CYTH4: variants seen among roughly 807,000 people sequenced by gnomAD.
The protein encoded by CYTH4 is cytohesin 4.
Under a neutral mutation model 57.5 loss-of-function variants are expected in CYTH4, and 22 were observed. The ratio of observed to expected loss-of-function variants is 0.38; its 90% CI spans 0.27 to 0.55. The LOEUF (loss-of-function observed/expected upper bound fraction) is 0.55, where lower values mean the gene tolerates loss of function less well. Among genes scored for constraint, CYTH4 ranks in the 20% least tolerant of loss-of-function variants. The pLI is 0.74. For synonymous variants in CYTH4, 186 were observed against 206.5 expected (o/e 0.90, Z 0.85); for missense variants, 420 against 535.6 (o/e 0.78, Z 2.13).
At chr22:37,309,577 C>A (rs1929560907) in intron 9 of CYTH4, among the ~76,000 whole-genome samples, 1 of 152,214 alleles carries the variant, frequency 6.6e-6, no homozygotes, top group Non-Finnish European at 1.5e-5. Context: ...GAGAGGCAGA[C>A]AGACCCACTG....
Position 37,295,952 on chromosome 22 carries a change from A to C in CYTH4, c.168-47A>C. On this transcript the variant is annotated intron_variant, in intron 3 of 12. Transcript: ENST00000248901. The surrounding 1 kb of genome is among the most constrained non-coding windows in gnomAD (Gnocchi z 4.1). ...AGGGTCCTTGGGGAGTGGAGAGGGTAATTCAGGGTCCTGGGGCAGCCCAAG... is the reference window on the plus strand; with the variant it reads ...AGGGTCCTTGGGGAGTGGAGAGGGTCATTCAGGGTCCTGGGGCAGCCCAAG... The C allele has an allele frequency of 6.3e-7, 1 of 1,582,410 alleles. No individual in the cohort carries two copies. The highest frequency in any genetic ancestry group is 8.6e-7 in the Non-Finnish European group (1 of 1,159,628).
At chr22:37,307,423 G>C (rs1321218910) in intron 8 of CYTH4, among the ~76,000 whole-genome samples, 3 of 152,234 alleles carry the variant, frequency 2.0e-5, no homozygotes, top group African/African-American at 7.2e-5. Flanking sequence ...TGTTCAACCA[G>C]CCAGTGCCAC....
In CYTH4 at chr22:37,284,317, AG is replaced by A. The variant is rs534726359; in HGVS notation, c.19+1731del. On this transcript the variant is annotated intron_variant, in intron 1 of 12. Coordinates refer to ENST00000248901, the MANE Select transcript of CYTH4 (RefSeq NM_013385.5). ...AGCCATGGGCCTAACCCTGGGGGAC[AG>A]GTGTTGGTCTGGAATGTTGGGGGTG... Among the ~76,000 whole-genome samples the A allele has an allele frequency of 1.6e-3, 237 of 152,290 alleles. 2 individuals are homozygous for A. Among genetic ancestry groups the A allele is most frequent in the African/African-American group, 5.3e-3 (221 of 41,556 alleles).
At chr22:37,282,796 C>T (rs5995411) in intron 1 of CYTH4, among the ~76,000 whole-genome samples, 65,622 of 152,112 alleles carry the variant, frequency 0.43, 15,092 homozygotes, top group Non-Finnish European at 0.54. Context: ...GACGCTGTTT[C>T]CCCCTTCATA....
rs572274072 is a variant in CYTH4, at chr22:37,293,205, C to T, written c.102+502C>T. ...CCTGGGCCTTTGCACTCGCAGTCCC[C>T]TCTGCCTGGGCTGCAGTGGCTGTGC... On this transcript the variant is annotated intron_variant, in intron 2 of 12. Transcript: ENST00000248901. Among the ~76,000 whole-genome samples, 12 of 152,378 alleles carry T rather than the reference C, an allele frequency of 7.9e-5. No individual in the cohort carries two copies. In the South Asian group the frequency reaches 2.5e-3, roughly 32 times the overall value.
At chr22:37,284,407 C>T (rs1290600703) in intron 1 of CYTH4, among the ~76,000 whole-genome samples, 1 of 152,130 alleles carries the variant, frequency 6.6e-6, no homozygotes, top group Non-Finnish European at 1.5e-5. Context: ...GGACACAGAC[C>T]TACAGATGGG....
At chr22:37,288,206 A>G (rs1569104906) in intron 1 of CYTH4, among the ~76,000 whole-genome samples, 1 of 152,174 alleles carries the variant, frequency 6.6e-6, no homozygotes, top group Admixed American at 6.5e-5. Context: ...TGAGGTCAAG[A>G]GATCAAGACC....
At chr22:37,286,962 A>G (rs1928583098) in intron 1 of CYTH4, among the ~76,000 whole-genome samples, 1 of 152,122 alleles carries the variant, frequency 6.6e-6, no homozygotes, top group Non-Finnish European at 1.5e-5. Flanking sequence ...TGGAAGGGGA[A>G]AGAAATAGAC....
chr22:37,311,433 C>A lies in CYTH4; in HGVS notation c.886-23C>A. On this transcript the variant is annotated intron_variant, in intron 10 of 12. Transcript: ENST00000248901. The surrounding 1 kb of genome is among the most constrained non-coding windows in gnomAD (Gnocchi z 4.4). ...TCAGGGTTCCGCTTCCTGACCCTGA[C>A]CTTCCTTCCCCTTTCCCTGTAGGAC... 6.2e-7 allele frequency: 1 copy of A among 1,610,980 alleles called. No individual in the cohort carries two copies. Among genetic ancestry groups the A allele is most frequent in the South Asian group, 1.1e-5 (1 of 91,008 alleles).
At chr22:37,293,949 A>G (rs1015755711) in intron 2 of CYTH4, among the ~76,000 whole-genome samples, 2 of 151,746 alleles carry the variant, frequency 1.3e-5, no homozygotes, top group Non-Finnish European at 2.9e-5. Context: ...CCCTGGAAAG[A>G]GGGCCTAGGC....
At position 37,300,816 on chromosome 22, in the gene CYTH4, C is replaced by T. The variant is rs547466083; in HGVS notation, c.435-91C>T. The T allele has an allele frequency of 2.4e-4, 247 of 1,031,232 alleles. No individual in the cohort carries two copies. In the African/African-American group the frequency reaches 3.6e-3, roughly 15 times the overall value. The allele number at this position is 1,031,232 out of a possible 1,614,324, so 63.9% of individuals were successfully genotyped here. On this transcript the variant is annotated intron_variant, in intron 6 of 12. Coordinates refer to ENST00000248901, the MANE Select transcript of CYTH4 (RefSeq NM_013385.5). ...TGCAGATTCCCCCATTTACAGGATA[C>T]AGAGACTAAACCTGGGAGAGGCAGG...
chr22:37,311,794 A>G lies in CYTH4; in HGVS notation c.958-226A>G, dbSNP rs1000163646. The stretch of plus-strand genomic sequence containing the variant: ...CCCGAGTAAGCTCCACTCCATTCAG[A>G]ACCTCAGTGAGCCCACATGTCACGT... On this transcript the variant is annotated intron_variant, in intron 11 of 12. Coordinates refer to ENST00000248901, the MANE Select transcript of CYTH4 (RefSeq NM_013385.5). The surrounding 1 kb of genome is among the most constrained non-coding windows in gnomAD (Gnocchi z 4.4). The G allele has an allele frequency of 8.8e-6, 6 of 678,716 alleles. No homozygotes were observed. The highest frequency in any genetic ancestry group is 1.5e-5 in the Non-Finnish European group (6 of 408,818). 42.0% of individuals were successfully genotyped at this position (678,716 alleles called of 1,614,324 possible).
intron 2 of CYTH4, among the ~76,000 whole-genome samples, chr22:37,293,638 C>A (rs1928829685): frequency 6.6e-6 from 1 of 152,220 alleles, no homozygotes; most frequent in Non-Finnish European, 1.5e-5. Context: ...AGTCTCAGGA[C>A]AAGTCCCTGG....
intron 6 of CYTH4, chr22:37,300,392 G>A (rs2145863421): frequency 1.7e-6 from 1 of 605,722 alleles, no homozygotes; most frequent in East Asian, 2.8e-5. Context: ...AGCCCAGGAG[G>A]AGAAGTGAGA....
At position 37,303,292 on chromosome 22, in the gene CYTH4, A is replaced by G; in HGVS notation, c.586A>G (p.Asn196Asp). The part of the protein sequence containing the change: ...YVLSFSIIML[N>D]TSLHNPNVRD... ...GTTGTCCTTCTCCATCATCATGCTC[A>G]ACACCAGCCTCCACAATCCCAACGT... is the stretch of plus-strand genomic sequence containing the variant. The change falls in exon 8 of 13, where the codon AAC becomes GAC. Residue 196 changes from asparagine to aspartate, a missense_variant. Asn to Asp is a conservative substitution (Grantham distance 23). Coordinates refer to ENST00000248901, the MANE Select transcript of CYTH4 (RefSeq NM_013385.5). 1 of 1,614,178 alleles carries G rather than the reference A, an allele frequency of 6.2e-7. No individual in the cohort carries two copies. Among genetic ancestry groups the G allele is most frequent in the Non-Finnish European group, 8.5e-7 (1 of 1,180,020 alleles).
chr22:37,285,619 G>A (rs899557101), intron 1 of CYTH4, among the ~76,000 whole-genome samples: 4 of 152,070 alleles, frequency 2.6e-5, no homozygotes, highest in Non-Finnish European at 4.4e-5. Context: ...GCTGAGGCAG[G>A]AGAATCACTT....
chr22:37,295,149 C>G lies in CYTH4; in HGVS notation c.167+425C>G, dbSNP rs574434357. Among the ~76,000 whole-genome samples the G allele has an allele frequency of 1.2e-4, 18 of 152,230 alleles. No homozygotes were observed. In the South Asian group the frequency reaches 1.5e-3, roughly 12 times the overall value. ...CCACTAACCCCGGGCCAGCCACGCC[C>G]ACCGCCTCTGTGGAAAACTCCCACT... is the stretch of plus-strand genomic sequence containing the variant. On this transcript the variant is annotated intron_variant, in intron 3 of 12. Coordinates refer to ENST00000248901, the MANE Select transcript of CYTH4 (RefSeq NM_013385.5). The surrounding 1 kb of genome is among the most constrained non-coding windows in gnomAD (Gnocchi z 4.1).
rs956712810 is a variant in CYTH4, at chr22:37,298,782, G to C, written c.354-444G>C. 1.3e-5 allele frequency among the ~76,000 whole-genome samples: 2 copies of C among 152,108 alleles called. No homozygotes were observed. The highest frequency in any genetic ancestry group is 3.2e-3 in the Middle Eastern group (1 of 316). On this transcript the variant is annotated intron_variant, in intron 5 of 12. Coordinates refer to ENST00000248901, the MANE Select transcript of CYTH4 (RefSeq NM_013385.5). This position sits in a 1 kb window ranked among gnomAD's most constrained non-coding sequence, Gnocchi z 4.1. ...ACCCCTCCCTCCCGCGGTGAGCAGG[G>C]GATGCAGACGGTGAGAAGGGCACCT...
intron 6 of CYTH4, chr22:37,300,354 C>A (rs760313849): frequency 8.9e-6 from 6 of 671,378 alleles, no homozygotes; most frequent in Non-Finnish European, 1.6e-5. Flanking sequence ...ATTTACTGAG[C>A]CTTTGCTAGG....
Sources: allele counts gnomAD v4.1 joint callset (sites outside exome capture counted in the v4.1 genomes callset), GRCh38; gene constraint gnomAD v4.1.1; non-coding constraint Gnocchi (gnomAD v3.1); transcripts MANE v1.5; gene names NCBI Gene and HGNC (gene_info 2026-07-23, HGNC 2026-07-21).